SLC39A12: variants seen among roughly 807,000 people sequenced by gnomAD.
The protein encoded by SLC39A12 is zinc transporter ZIP12.
In SLC39A12, 63 loss-of-function variants were observed where a neutral mutation model predicts 71.1. The observed-to-expected ratio is 0.89, with a 90% CI of 0.72 to 1.09. The LOEUF is 1.09. Ranked by LOEUF, SLC39A12 falls within the 50% of genes least tolerant of loss-of-function variation. The pLI, the probability that SLC39A12 is intolerant of heterozygous loss-of-function variation, is 0.00. For synonymous variants in SLC39A12, 351 were observed against 301.3 expected (o/e 1.16, Z -1.71); for missense variants, 892 against 812.6 (o/e 1.10, Z -1.19).
chr10:17,988,538 A>G (rs1027826951), intron 7 of SLC39A12, among the ~76,000 whole-genome samples: 2 of 152,118 alleles, frequency 1.3e-5, no homozygotes, highest in Non-Finnish European at 2.9e-5. Flanking sequence ...TCTTTTCTTT[A>G]TAGGTTATCC....
chr10:18,037,368 T>A (rs2130905069), intron 12 of SLC39A12, among the ~76,000 whole-genome samples: 1 of 152,228 alleles, frequency 6.6e-6, no homozygotes, highest in Non-Finnish European at 1.5e-5. Context: ...TCGCCCTTGG[T>A]CATAATAGAC....
At chr10:18,042,462 A>AG (rs1491409988) in intron 12 of SLC39A12, among the ~76,000 whole-genome samples, 1 of 114,824 alleles carries the variant, frequency 8.7e-6, no homozygotes, top group Non-Finnish European at 1.8e-5. Context: ...CTGCCTCAAA[A>AG]GAAAAAAAAA....
chr10:18,019,206 T>C (rs547730790), intron 12 of SLC39A12, among the ~76,000 whole-genome samples: 23 of 152,102 alleles, frequency 1.5e-4, no homozygotes, highest in Non-Finnish European at 3.2e-4. Flanking sequence ...TATTTCTTTA[T>C]TATCCTTTAA....
At chr10:17,998,404 C>T (rs960452451) in intron 10 of SLC39A12, among the ~76,000 whole-genome samples, 10 of 152,070 alleles carry the variant, frequency 6.6e-5, no homozygotes, top group Admixed American at 2.0e-4. Flanking sequence ...GCAGTGTTGT[C>T]AAATGTATCA....
At chr10:17,994,749 A>C (rs1835642078) in intron 9 of SLC39A12, among the ~76,000 whole-genome samples, 1 of 152,104 alleles carries the variant, frequency 6.6e-6, no homozygotes, top group Non-Finnish European at 1.5e-5. Context: ...TATCTTTTGA[A>C]TAGCTGCTAT....
chr10:17,960,910 A>G (rs1157722154), intron 2 of SLC39A12, among the ~76,000 whole-genome samples: 1 of 152,224 alleles, frequency 6.6e-6, no homozygotes, highest in African/African-American at 2.4e-5. Context: ...TAAGGTTAAA[A>G]TATTACAAAA....
intron 2 of SLC39A12, among the ~76,000 whole-genome samples, chr10:17,956,667 C>G (rs185557966): frequency 6.6e-6 from 1 of 152,334 alleles, no homozygotes; most frequent in South Asian, 2.1e-4. Context: ...GTCCTTGATT[C>G]TGAGGATTTT....
chr10:17,991,213 T>C lies in SLC39A12; in HGVS notation c.1332T>C (p.His444=). The C allele has an allele frequency of 6.2e-7, 1 of 1,600,262 alleles. No individual in the cohort carries two copies. The highest frequency in any genetic ancestry group is 1.3e-5 in the African/African-American group (1 of 74,274). ...EFGHFHESKG[H]IWKLMGLIGG... is the part of the protein sequence containing the mutation. Reference sequence around the variant, plus strand: ...GGCATTTCCATGAAAGCAAAGGTCATATTTGGAAACTGATGGGATTAATTG... The same window carrying C: ...GGCATTTCCATGAAAGCAAAGGTCACATTTGGAAACTGATGGGATTAATTG... Residue 444 remains histidine, a synonymous_variant, in exon 8 of 13, where the codon CAT becomes CAC. Coordinates refer to ENST00000377369, the MANE Select transcript of SLC39A12 (RefSeq NM_001145195.2).
At chr10:18,008,428 C>G (rs929079657) in intron 12 of SLC39A12, 1 of 152,218 alleles carries the variant, frequency 6.6e-6, no homozygotes, top group Non-Finnish European at 1.5e-5. Flanking sequence ...GGGCCCCCCA[C>G]TGATTCAATA....
intron 12 of SLC39A12, among the ~76,000 whole-genome samples, chr10:18,023,587 T>C (rs553401471): frequency 4.6e-5 from 7 of 151,804 alleles, no homozygotes; most frequent in Admixed American, 2.0e-4. Flanking sequence ...GCAAGCCCAA[T>C]CTGGAGGCCC....
chr10:17,965,826 TCAGA>T, intron 4 of SLC39A12, 136 bp downstream of exon 4: 3 of 743,904 alleles, frequency 4.0e-6, no homozygotes, highest in Non-Finnish European at 6.4e-6. Context: ...AGTCATAAAG[TCAGA>T]CAGCTTATGT....
intron 2 of SLC39A12, among the ~76,000 whole-genome samples, chr10:17,957,352 A>G (rs1834577321): frequency 1.3e-5 from 2 of 152,316 alleles, no homozygotes; most frequent in African/African-American, 2.4e-5. Context: ...TTAGCTTGAA[A>G]GGGGAGCCTC....
At chr10:17,996,768 C>G (rs1433184344) in intron 10 of SLC39A12, among the ~76,000 whole-genome samples, 2 of 152,004 alleles carry the variant, frequency 1.3e-5, no homozygotes, top group African/African-American at 2.4e-5. Flanking sequence ...GAGGCCGAGG[C>G]GGGCAGATCA....
In SLC39A12 at chr10:17,993,215, A is replaced by T. The variant is rs558889480; in HGVS notation, c.1457A>T (p.His486Leu). The change falls in exon 9 of 13, where the codon CAT (histidine) becomes CTT (leucine). Residue 486 changes from histidine (H) to leucine (L), a missense_variant. Transcript: ENST00000377369. Reference protein sequence around the residue: ...GLSLVNGHVGHSHHLALNSEL... With the variant: ...GLSLVNGHVGLSHHLALNSEL... ...TCATTGGTTAATGGGCACGTGGGTC[A>T]TTCCCACCATCTTGCACTCAACTCT... 5.2e-6 allele frequency: 8 copies of T among 1,551,772 alleles called. No homozygotes were observed. In the South Asian group the frequency reaches 7.1e-5, roughly 14 times the overall value.
At position 17,998,661 on chromosome 10, in the gene SLC39A12, C is replaced by G. The variant is rs183264300; in HGVS notation, c.1601-2006C>G. ...ACAGGAAGGATGTAAGTTAGTTCTA[C>G]AGTGATATTTCTAAATACCCATGAT... is the stretch of plus-strand genomic sequence containing the variant. On this transcript the variant is annotated intron_variant, in intron 10 of 12. Transcript: ENST00000377369. 1.5e-3 allele frequency among the ~76,000 whole-genome samples: 228 copies of G among 152,250 alleles called. 1 individual carries two copies. Among genetic ancestry groups the G allele is most frequent in the Middle Eastern group, 3.4e-3 (1 of 294 alleles).
chr10:18,036,515 G>A (rs1014152605), intron 12 of SLC39A12, among the ~76,000 whole-genome samples: 2 of 151,682 alleles, frequency 1.3e-5, no homozygotes, highest in African/African-American at 2.4e-5. Flanking sequence ...GCTCACGCAC[G>A]GTGCGCGCAC....
chr10:17,985,655 C>G (rs1042151440), intron 6 of SLC39A12, among the ~76,000 whole-genome samples: 4 of 152,068 alleles, frequency 2.6e-5, no homozygotes, highest in African/African-American at 9.7e-5. Flanking sequence ...CTTTGAGTAT[C>G]TACAAGCAGA....
chr10:18,029,022 A>G (rs1162127764), intron 12 of SLC39A12, among the ~76,000 whole-genome samples: 2 of 151,214 alleles, frequency 1.3e-5, no homozygotes, highest in Non-Finnish European at 2.9e-5. Flanking sequence ...GCCCCACCAA[A>G]ACTTTTTTTT....
chr10:18,006,032 A>G (rs891726292), intron 12 of SLC39A12, among the ~76,000 whole-genome samples: 2 of 152,158 alleles, frequency 1.3e-5, no homozygotes, highest in African/African-American at 4.8e-5. Context: ...AGGGAAGAAA[A>G]CAAGGTTGCA....
Sources: gnomAD v4.1 joint callset for allele counts (sites outside exome capture counted in the v4.1 genomes callset) on GRCh38, gnomAD v4.1.1 for gene constraint, MANE v1.5 for transcripts, NCBI Gene and HGNC (gene_info 2026-07-23, HGNC 2026-07-21) for gene names.